The following PCDHGB2 variants were observed in gnomAD, a reference collection of about 807,000 sequenced individuals.
The protein encoded by PCDHGB2 is protocadherin gamma subfamily B, 2, also known as protocadherin gamma-B2.
Under a neutral mutation model 59.3 loss-of-function variants are expected in PCDHGB2, and 55 were observed. That is an observed-to-expected ratio of 0.93 (90% CI 0.75 to 1.16). PCDHGB2 has a LOEUF of 1.16. PCDHGB2 is among the 50% of genes most tolerant of loss of function. The pLI is 0.00. For synonymous variants in PCDHGB2, 516 were observed against 512.0 expected (o/e 1.01, Z -0.11); for missense variants, 1,228 against 1,198.5 (o/e 1.02, Z -0.36).
intron 1 of PCDHGB2, chr5:141,414,643 C>G (rs765652709): frequency 1.2e-6 from 2 of 1,613,942 alleles, no homozygotes; most frequent in Non-Finnish European, 8.5e-7. Flanking sequence ...AGAGAATGCC[C>G]AGATTATTTA....
chr5:141,477,295 G>A lies in PCDHGB2; in HGVS notation c.2422-17512G>A, dbSNP rs1207558247. On this transcript the variant is annotated intron_variant, in intron 1 of 3. Transcript: ENST00000522605. This position sits in a 1 kb window ranked among gnomAD's most constrained non-coding sequence, Gnocchi z 4.9. ...GGCTGGTGACCTGCGAAGTTCCACC[G>A]GGTCTCCCTTTCAGCCTTACTTCTT... is the stretch of plus-strand genomic sequence containing the variant. The A allele has an allele frequency of 8.1e-6, 13 of 1,613,990 alleles. No homozygotes were observed. Among genetic ancestry groups the A allele is most frequent in the Admixed American group, 3.3e-5 (2 of 59,990 alleles).
chr5:141,371,961 G>C lies in PCDHGB2; in HGVS notation c.2421+9405G>C. On this transcript the variant is annotated intron_variant, in intron 1 of 3. Transcript: ENST00000522605. ...GTTCGCGCAGCGAGCCTTCGACCAC[G>C]AGCAGCTGCGTGCCTTCGAGCTCAC... 6.2e-7 allele frequency: 1 copy of C among 1,613,240 alleles called. No individual in the cohort carries two copies. Among genetic ancestry groups the C allele is most frequent in the Admixed American group, 1.7e-5 (1 of 60,006 alleles).
At chr5:141,385,391 A>G (rs1781168651) in intron 1 of PCDHGB2, 1 of 1,505,360 alleles carries the variant, frequency 6.6e-7, no homozygotes, top group Non-Finnish European at 8.9e-7. Context: ...TTATTTTGCA[A>G]AACAAATGTT....
intron 1 of PCDHGB2, among the ~76,000 whole-genome samples, chr5:141,461,764 C>T (rs1005862192): frequency 6.6e-6 from 1 of 152,118 alleles, no homozygotes; most frequent in East Asian, 1.9e-4. Context: ...AGCGATTCTC[C>T]TGCCTCAGCC....
chr5:141,400,465 T>G (rs769092002), intron 1 of PCDHGB2: 2 of 1,614,060 alleles, frequency 1.2e-6, no homozygotes, highest in Admixed American at 1.7e-5. Context: ...TTGTGGTGAT[T>G]CATCTGGGGC....
intron 1 of PCDHGB2, among the ~76,000 whole-genome samples, chr5:141,483,021 G>A (rs543104114): frequency 6.6e-6 from 1 of 152,126 alleles, no homozygotes; most frequent in East Asian, 1.9e-4. Context: ...GGAGGCAGAG[G>A]TTGCAATGAG....
intron 1 of PCDHGB2, chr5:141,413,078 C>A: frequency 7.7e-7 from 1 of 1,301,148 alleles, no homozygotes; most frequent in Non-Finnish European, 1.1e-6. Flanking sequence ...AGTGCCCAGG[C>A]TACAGAGACA....
chr5:141,393,003 G>A (rs1202314944), intron 1 of PCDHGB2: 1 of 1,613,882 alleles, frequency 6.2e-7, no homozygotes, highest in East Asian at 2.2e-5. Flanking sequence ...GAAGCACGGA[G>A]TCCGTATCGT....
At chr5:141,378,415 C>G (rs62378442) in intron 1 of PCDHGB2, 5,215 of 152,332 alleles carry the variant, frequency 0.034, 104 homozygotes, top group Middle Eastern at 0.088. Context: ...CGCAGCTACT[C>G]GGGAGGCTGA....
In PCDHGB2 at chr5:141,476,229, C is replaced by T; in HGVS notation, c.2422-18578C>T. ...TCCACGGTCATTCACTATGAGATCC[C>T]GGAGGAAAGAGAGAAGGGTTTCGCT... On this transcript the variant is annotated intron_variant, in intron 1 of 3. Coordinates refer to ENST00000522605, the MANE Select transcript of PCDHGB2 (RefSeq NM_018923.3). The surrounding 1 kb of genome is among the most constrained non-coding windows in gnomAD (Gnocchi z 7.6). 1 of 1,613,872 alleles carries T rather than the reference C, an allele frequency of 6.2e-7. No individual in the cohort carries two copies. The highest frequency in any genetic ancestry group is 2.2e-5 in the East Asian group (1 of 44,822).
At chr5:141,473,750 G>A (rs777343462) in intron 1 of PCDHGB2, among the ~76,000 whole-genome samples, 3 of 152,192 alleles carry the variant, frequency 2.0e-5, no homozygotes, top group Non-Finnish European at 4.4e-5. Context: ...TGAGAACTTG[G>A]ATACTATGCA....
chr5:141,419,275 G>A, intron 1 of PCDHGB2: 26 of 1,613,974 alleles, frequency 1.6e-5, no homozygotes, highest in Non-Finnish European at 2.2e-5. Flanking sequence ...CCTCCATAGC[G>A]CAAGTCAGTG....
chr5:141,424,026 C>G, intron 1 of PCDHGB2: 1 of 1,041,918 alleles, frequency 9.6e-7, no homozygotes, highest in Non-Finnish European at 1.2e-6. Context: ...TTCACAAACA[C>G]TTTTTATTTC....
At chr5:141,400,168 C>T (rs1042097050) in intron 1 of PCDHGB2, 5 of 1,614,088 alleles carry the variant, frequency 3.1e-6, no homozygotes, top group Non-Finnish European at 4.2e-6. Flanking sequence ...CTCTGACCCC[C>T]AGGCTGAGCT....
At chr5:141,416,124 AT>A (rs1297389183) in intron 1 of PCDHGB2, 1 of 154,644 alleles carries the variant, frequency 6.5e-6, no homozygotes, top group Non-Finnish European at 1.4e-5. Flanking sequence ...CATTTTATAT[AT>A]TTTTCAATCT....
At chr5:141,372,097 G>T in intron 1 of PCDHGB2, 1 of 1,613,808 alleles carries the variant, frequency 6.2e-7, no homozygotes, top group South Asian at 1.1e-5. Context: ...CCAGCTCTGG[G>T]GCCCGAAGGC....
intron 1 of PCDHGB2, among the ~76,000 whole-genome samples, chr5:141,488,541 T>C (rs2099676694): frequency 6.6e-6 from 1 of 152,184 alleles, no homozygotes; most frequent in South Asian, 2.1e-4. Flanking sequence ...CTAAGTCCCA[T>C]GTCAGCTGAC....
chr5:141,384,752 C>A, intron 1 of PCDHGB2: 1 of 1,614,024 alleles, frequency 6.2e-7, no homozygotes, highest in East Asian at 2.2e-5. Flanking sequence ...GGACTCTTTG[C>A]GGTTGGGCTG....
intron 1 of PCDHGB2, chr5:141,389,146 C>A (rs567517174): frequency 3.7e-6 from 6 of 1,614,000 alleles, no homozygotes; most frequent in South Asian, 3.3e-5. Flanking sequence ...ATAACCGTTA[C>A]GGCAACAGAT....
Sources: gnomAD v4.1 joint callset for allele counts (sites outside exome capture counted in the v4.1 genomes callset) on GRCh38, gnomAD v4.1.1 for gene constraint, Gnocchi (gnomAD v3.1) non-coding constraint, MANE v1.5 for transcripts, NCBI Gene and HGNC (gene_info 2026-07-23, HGNC 2026-07-21) for gene names.